PRKG1: variants seen among roughly 807,000 people sequenced by gnomAD.
PRKG1 encodes the protein cGMP-dependent protein kinase 1.
Under a neutral mutation model 88.1 loss-of-function variants are expected in PRKG1, and 35 were observed. That is an observed-to-expected ratio of 0.40 (90% CI 0.30 to 0.53). PRKG1 has a LOEUF of 0.53. PRKG1 is among the 20% of genes least tolerant of loss of function. PRKG1 has a pLI of 0.59. For missense variants in PRKG1, 540 were observed against 839.8 expected (o/e 0.64, Z 4.41); for synonymous variants, 303 against 292.5 (o/e 1.04, Z -0.37).
chr10:51,036,035 A>G (rs1050235423), intron 1 of PRKG1, among the ~76,000 whole-genome samples: 1 of 152,182 alleles, frequency 6.6e-6, no homozygotes, highest in Non-Finnish European at 1.5e-5. Flanking sequence ...ATTCTTGAAC[A>G]TTTCAATCGT....
rs143302766 is a variant in PRKG1, at chr10:51,765,313, C to G, written c.593-39272C>G. ...CAATTTTCACTTATTTTACACTTCT[C>G]TCTTATACAAAACTCCCTTGATTCA... On this transcript the variant is annotated intron_variant, in intron 3 of 17. Transcript: ENST00000373980. Among the ~76,000 whole-genome samples, 987 of 152,300 alleles carry G rather than the reference C, an allele frequency of 6.5e-3. 3 individuals carry two copies. Among genetic ancestry groups the G allele is most frequent in the Non-Finnish European group, 0.01 (699 of 68,028 alleles).
intron 3 of PRKG1, among the ~76,000 whole-genome samples, chr10:51,663,075 A>G (rs936621603): frequency 6.6e-6 from 1 of 152,138 alleles, no homozygotes; most frequent in Non-Finnish European, 1.5e-5. Flanking sequence ...TTAGCAGGTA[A>G]AATTTACAGT....
intron 7 of PRKG1, among the ~76,000 whole-genome samples, chr10:52,075,883 G>T (rs1846615670): frequency 6.6e-6 from 1 of 152,062 alleles, no homozygotes; most frequent in Non-Finnish European, 1.5e-5. Context: ...CATCATGAGG[G>T]CCCCACTTTC....
chr10:51,211,890 C>G (rs1490884197), intron 2 of PRKG1, among the ~76,000 whole-genome samples: 2 of 152,142 alleles, frequency 1.3e-5, no homozygotes, highest in Admixed American at 1.3e-4. Context: ...GGCCATACTG[C>G]CCAAGGTAAT....
At chr10:52,005,412 A>G (rs1844707993) in intron 5 of PRKG1, among the ~76,000 whole-genome samples, 1 of 152,062 alleles carries the variant, frequency 6.6e-6, no homozygotes, top group South Asian at 2.1e-4. Flanking sequence ...CATGTTTTTA[A>G]AAGGCTGTGG....
chr10:52,003,183 G>A (rs1844644683), intron 5 of PRKG1, among the ~76,000 whole-genome samples: 1 of 152,170 alleles, frequency 6.6e-6, no homozygotes, highest in Admixed American at 6.5e-5. Flanking sequence ...TAAGAGATAG[G>A]ATCTTGGCTG....
At chr10:51,895,137 T>G (rs1189431691) in intron 4 of PRKG1, among the ~76,000 whole-genome samples, 1 of 152,174 alleles carries the variant, frequency 6.6e-6, no homozygotes, top group Admixed American at 6.6e-5. Context: ...ATTGAATGAA[T>G]GGAGAGGTGT....
At chr10:50,992,672 G>A (rs1424880472) in intron 1 of PRKG1, among the ~76,000 whole-genome samples, 2 of 152,072 alleles carry the variant, frequency 1.3e-5, no homozygotes, top group African/African-American at 4.8e-5. Context: ...GAGGAGGCTG[G>A]GTGGATTTTG....
intron 7 of PRKG1, among the ~76,000 whole-genome samples, chr10:52,127,503 C>T (rs537687968): frequency 6.6e-6 from 1 of 152,002 alleles, no homozygotes; most frequent in African/African-American, 2.4e-5. Context: ...TGGGAAAACA[C>T]CTATCATCTA....
chr10:52,274,532 T>C (rs941797183), intron 12 of PRKG1, among the ~76,000 whole-genome samples: 7 of 147,726 alleles, frequency 4.7e-5, no homozygotes, highest in African/African-American at 1.8e-4. Flanking sequence ...TATATATATA[T>C]ATACACACAC....
intron 2 of PRKG1, among the ~76,000 whole-genome samples, chr10:51,218,111 G>T (rs913381818): frequency 4.6e-5 from 7 of 152,016 alleles, no homozygotes; most frequent in African/African-American, 1.7e-4. Flanking sequence ...ACATAATTTT[G>T]TAAAAATTTG....
chr10:52,253,566 A>G (rs900139714), intron 10 of PRKG1: 1 of 151,866 alleles, frequency 6.6e-6, no homozygotes, highest in Non-Finnish European at 1.5e-5. Context: ...GTGTGTGTGC[A>G]CACATGTGTA....
intron 10 of PRKG1, among the ~76,000 whole-genome samples, chr10:52,255,578 T>C (rs1841287981): frequency 6.6e-6 from 1 of 152,092 alleles, no homozygotes; most frequent in Non-Finnish European, 1.5e-5. Flanking sequence ...TGTATATATG[T>C]AGTGAGCTCT....
At chr10:51,482,595 A>G (rs1300855287) in intron 3 of PRKG1, among the ~76,000 whole-genome samples, 3 of 152,140 alleles carry the variant, frequency 2.0e-5, no homozygotes, top group Admixed American at 6.5e-5. Flanking sequence ...TACTGACTTA[A>G]TCCTATTATT....
intron 10 of PRKG1, among the ~76,000 whole-genome samples, chr10:52,266,319 G>A (rs912842143): frequency 6.6e-6 from 1 of 151,672 alleles, no homozygotes; most frequent in Admixed American, 6.6e-5. Context: ...CCATCGCCTG[G>A]TATTAAGTCA....
At chr10:51,729,746 A>C (rs531079839) in intron 3 of PRKG1, among the ~76,000 whole-genome samples, 1 of 151,058 alleles carries the variant, frequency 6.6e-6, no homozygotes, top group Admixed American at 6.6e-5. Context: ...GATGAGAAAA[A>C]TTGAGAAGCC....
intron 2 of PRKG1, among the ~76,000 whole-genome samples, chr10:51,287,401 C>G (rs952105788): frequency 6.6e-6 from 1 of 152,156 alleles, no homozygotes; most frequent in East Asian, 1.9e-4. Context: ...ATTTTTGGCT[C>G]TCAATAATTT....
chr10:52,088,482 G>A (rs185528479), intron 7 of PRKG1, among the ~76,000 whole-genome samples: 1 of 152,024 alleles, frequency 6.6e-6, no homozygotes, highest in Non-Finnish European at 1.5e-5. Flanking sequence ...ACAGTACTAC[G>A]AGATAGAATC....
Position 51,567,323 on chromosome 10 carries a change from T to C in PRKG1, c.592+99487T>C, listed in dbSNP as rs543783260. On this transcript the variant is annotated intron_variant, in intron 3 of 17. Transcript: ENST00000373980. The stretch of plus-strand genomic sequence containing the variant: ...GCAAAAGAAAGCCTCCAAGGATCAC[T>C]ATCAGGATGCTGGTCCCTGGGACCT... 2.7e-4 allele frequency among the ~76,000 whole-genome samples: 41 copies of C among 152,180 alleles called. No individual in the cohort carries two copies. The South Asian group carries it at 7.0e-3, about 26-fold the overall frequency.
Sources: gnomAD v4.1 joint callset for allele counts (sites outside exome capture counted in the v4.1 genomes callset) on GRCh38, gnomAD v4.1.1 for gene constraint, MANE v1.5 for transcripts, NCBI Gene and HGNC (gene_info 2026-07-23, HGNC 2026-07-21) for gene names.